Variants in MGAT4C observed in about 807,000 individuals in gnomAD.
MGAT4C encodes the protein alpha-1,3-mannosyl-glycoprotein 4-beta-N-acetylglucosaminyltransferase C.
A neutral mutation model predicts 40.1 loss-of-function variants in MGAT4C; 19 were observed. The observed-to-expected ratio is 0.47, with a 90% CI of 0.33 to 0.70. MGAT4C has a LOEUF of 0.70. Ranked by LOEUF, MGAT4C falls within the 30% of genes least tolerant of loss-of-function variation. MGAT4C has a pLI of 0.02. For synonymous variants in MGAT4C, 181 were observed against 187.1 expected (o/e 0.97, Z 0.27); for missense variants, 491 against 563.2 (o/e 0.87, Z 1.30).
At chr12:86,549,469 A>G (rs1294253393) in intron 2 of MGAT4C, among the ~76,000 whole-genome samples, 1 of 152,022 alleles carries the variant, frequency 6.6e-6, no homozygotes, top group Non-Finnish European at 1.5e-5. Context: ...ATATAATGTG[A>G]TTTTCTTTTT....
At chr12:86,704,722 A>G (rs1467745628) in intron 2 of MGAT4C, among the ~76,000 whole-genome samples, 1 of 152,116 alleles carries the variant, frequency 6.6e-6, no homozygotes, top group Non-Finnish European at 1.5e-5. Context: ...AGTAAAATTA[A>G]TTTTCTTGCC....
intron 2 of MGAT4C, among the ~76,000 whole-genome samples, chr12:86,012,782 ACCACCACCACCACCACC>A (rs1459252501): frequency 4.6e-4 from 63 of 136,538 alleles, no homozygotes; most frequent in Non-Finnish European, 7.4e-4. Context: ...AACAACAACC[ACCACCACCACCACCACC>A]ACCACCACCA....
chr12:86,391,643 G>A (rs985782901), intron 3 of MGAT4C, among the ~76,000 whole-genome samples: 2 of 152,112 alleles, frequency 1.3e-5, no homozygotes, highest in East Asian at 1.9e-4. Context: ...CGGATAACCA[G>A]GTCAGGAGAT....
chr12:86,397,229 T>C (rs1312400653), intron 3 of MGAT4C, among the ~76,000 whole-genome samples: 2 of 152,128 alleles, frequency 1.3e-5, no homozygotes, highest in African/African-American at 2.4e-5. Flanking sequence ...ACCCTCATAG[T>C]ATTTAGTACT....
intron 3 of MGAT4C, among the ~76,000 whole-genome samples, chr12:86,348,723 A>T (rs550783991): frequency 2.0e-5 from 3 of 152,146 alleles, no homozygotes; most frequent in East Asian, 3.9e-4. Flanking sequence ...TAATTTTTTT[A>T]AAATATGTTT....
At chr12:86,762,265 T>C (rs1318477423) in intron 1 of MGAT4C, among the ~76,000 whole-genome samples, 1 of 152,008 alleles carries the variant, frequency 6.6e-6, no homozygotes, top group African/African-American at 2.4e-5. Context: ...TTCCCAGGCT[T>C]GTCTCATACT....
chr12:86,164,637 T>A (rs1344896695), intron 1 of MGAT4C, among the ~76,000 whole-genome samples: 1 of 152,096 alleles, frequency 6.6e-6, no homozygotes, highest in African/African-American at 2.4e-5. Context: ...TGACTTTGAG[T>A]TCAGTTCTGA....
At chr12:86,377,372 T>C (rs1955849599) in intron 3 of MGAT4C, among the ~76,000 whole-genome samples, 1 of 152,150 alleles carries the variant, frequency 6.6e-6, no homozygotes, top group South Asian at 2.1e-4. Context: ...ATTTACATTA[T>C]TAACCACAAA....
chr12:86,492,147 C>A (rs548407097), intron 2 of MGAT4C, among the ~76,000 whole-genome samples: 1 of 151,964 alleles, frequency 6.6e-6, no homozygotes, highest in African/African-American at 2.4e-5. Flanking sequence ...AAATAAAAGA[C>A]TATACAAACA....
At chr12:86,497,721 T>TTGTTAAATTTCTGTTAA in intron 2 of MGAT4C, among the ~76,000 whole-genome samples, 1 of 151,416 alleles carries the variant, frequency 6.6e-6, no homozygotes, top group African/African-American at 2.4e-5. Context: ...TTTAACAAAT[T>TTGTTAAATTTCTGTTAA]ACCTTTTCAT....
intron 1 of MGAT4C, among the ~76,000 whole-genome samples, chr12:86,063,377 C>A (rs577660190): frequency 2.0e-5 from 3 of 152,060 alleles, no homozygotes; most frequent in African/African-American, 7.2e-5. Context: ...GAAGGAAGCA[C>A]GAAACATGGA....
chr12:86,685,370 C>G (rs1379122454), intron 2 of MGAT4C, among the ~76,000 whole-genome samples: 2 of 152,092 alleles, frequency 1.3e-5, no homozygotes, highest in African/African-American at 2.4e-5. Flanking sequence ...ATTTCTGAGG[C>G]CTCCGTTCTG....
intron 2 of MGAT4C, among the ~76,000 whole-genome samples, chr12:86,463,321 G>C (rs1286708830): frequency 6.6e-6 from 1 of 151,860 alleles, no homozygotes; most frequent in East Asian, 1.9e-4. Context: ...CTTTTGCTTG[G>C]GATCTTATCT....
At chr12:86,571,570 G>A (rs1001323128) in intron 2 of MGAT4C, among the ~76,000 whole-genome samples, 3 of 151,806 alleles carry the variant, frequency 2.0e-5, no homozygotes, top group Non-Finnish European at 2.9e-5. Context: ...GGAAATAAAG[G>A]GGATACTCTT....
intron 2 of MGAT4C, among the ~76,000 whole-genome samples, chr12:86,522,825 G>T (rs1753949252): frequency 1.3e-5 from 2 of 152,036 alleles, no homozygotes; most frequent in African/African-American, 4.8e-5. Context: ...TCAGTCTTAG[G>T]AGGCTGGGGA....
intron 1 of MGAT4C, among the ~76,000 whole-genome samples, chr12:86,250,080 T>C (rs1463749): frequency 0.74 from 112,770 of 152,024 alleles, 42,141 homozygotes; most frequent in East Asian, 0.95. Flanking sequence ...TTAAATAATT[T>C]GTAGAATGAG....
chr12:86,432,797 A>C (rs1297583571), intron 3 of MGAT4C, among the ~76,000 whole-genome samples: 4 of 152,150 alleles, frequency 2.6e-5, no homozygotes, highest in Non-Finnish European at 5.9e-5. Flanking sequence ...GTCTAAAGGG[A>C]AAGAAAGTGT....
intron 2 of MGAT4C, among the ~76,000 whole-genome samples, chr12:86,550,557 G>A (rs1292214970): frequency 6.6e-6 from 1 of 152,192 alleles, no homozygotes; most frequent in Admixed American, 6.5e-5. Flanking sequence ...AGTAGGCACT[G>A]CACCTCTCCA....
Position 86,205,803 on chromosome 12 carries a change from T to A in MGAT4C, c.-57+50436A>T, listed in dbSNP as rs1361920740. Among the ~76,000 whole-genome samples the A allele has an allele frequency of 3.3e-5, 5 of 152,092 alleles. No homozygotes were observed. In the East Asian group the frequency reaches 9.6e-4, roughly 29 times the overall value. On this transcript the variant is annotated intron_variant, in intron 1 of 4. Transcript: ENST00000611864. ...CTTCCATAAGAATCAGGAAATTATT[T>A]ACTTTGACCTAAATTAATTTGAAAC...
Sources: gnomAD v4.1 joint callset for allele counts (sites outside exome capture counted in the v4.1 genomes callset) on GRCh38, gnomAD v4.1.1 for gene constraint, MANE v1.5 for transcripts, NCBI Gene and HGNC (gene_info 2026-07-23, HGNC 2026-07-21) for gene names.